RELN: variants seen among roughly 807,000 people sequenced by gnomAD.
RELN encodes the protein reelin.
RELN carries 108 observed loss-of-function variants against 427.6 expected under a neutral mutation model. The observed-to-expected ratio is 0.25, with a 90% CI of 0.22 to 0.30. The LOEUF (loss-of-function observed/expected upper bound fraction) is 0.30, where lower values mean the gene tolerates loss of function less well. Ranked by LOEUF, RELN falls within the 10% of genes least tolerant of loss-of-function variation. RELN has a pLI of 1.00. For synonymous variants in RELN, 1,524 were observed against 1,513.4 expected (o/e 1.01, Z -0.16); for missense variants, 3,715 against 4,302.8 (o/e 0.86, Z 3.82).
chr7:103,652,067 A>G (rs1832928577), intron 14 of RELN, among the ~76,000 whole-genome samples: 1 of 152,018 alleles, frequency 6.6e-6, no homozygotes, highest in Non-Finnish European at 1.5e-5. Flanking sequence ...TGGCAAGGCA[A>G]TTACCATGTC....
rs377717317 is a variant in RELN at position 103,877,710 on chromosome 7, G to T, written c.337+39365C>A. 9.2e-5 allele frequency among the ~76,000 whole-genome samples: 14 copies of T among 151,792 alleles called. 1 individual carries two copies. The highest frequency in any genetic ancestry group is 1.9e-4 in the Non-Finnish European group (13 of 67,932). ...AGTCTGACTCTAGTTTTTTTCTCAG[G>T]ACTCCATCTTCCATCTCTTCTCCAG... On this transcript the variant is annotated intron_variant, in intron 2 of 64. Coordinates refer to ENST00000428762, the MANE Select transcript of RELN (RefSeq NM_005045.4).
At chr7:103,892,754 T>C (rs1794877447) in intron 2 of RELN, among the ~76,000 whole-genome samples, 1 of 152,214 alleles carries the variant, frequency 6.6e-6, no homozygotes, top group South Asian at 2.1e-4. Context: ...TACACTTTTA[T>C]GGTACACTTT....
intron 29 of RELN, among the ~76,000 whole-genome samples, chr7:103,574,926 G>A (rs1260368797): frequency 6.6e-6 from 1 of 152,184 alleles, no homozygotes; most frequent in Admixed American, 6.5e-5. Context: ...ACTGTGCTCA[G>A]AGATACTTTT....
intron 2 of RELN, among the ~76,000 whole-genome samples, chr7:103,896,377 A>G (rs7811777): frequency 0.4 from 61,372 of 151,902 alleles, 13,515 homozygotes; most frequent in East Asian, 0.85. Flanking sequence ...CAGCAGCTGT[A>G]TGCATAATAA....
In RELN at chr7:103,663,625, T is replaced by G. The variant is rs1418383277; in HGVS notation, c.1290-2098A>C. On this transcript the variant is annotated intron_variant, in intron 11 of 64. Transcript: ENST00000428762. Reference sequence around the variant, plus strand: ...TCCACTCAAAGTCCCCTTGTACTTGTACTTAATGCCTACTGCTACTATTGC... The same window carrying G: ...TCCACTCAAAGTCCCCTTGTACTTGGACTTAATGCCTACTGCTACTATTGC... Among the ~76,000 whole-genome samples the G allele has an allele frequency of 2.0e-5, 3 of 152,198 alleles. No homozygotes were observed. The South Asian group carries it at 6.2e-4, about 32-fold the overall frequency.
intron 24 of RELN, among the ~76,000 whole-genome samples, chr7:103,597,117 G>A (rs559651252): frequency 4.6e-5 from 7 of 152,188 alleles, no homozygotes; most frequent in African/African-American, 2.4e-5. Context: ...TTCCTCAAAG[G>A]TACAATATGG....
chr7:103,636,780 T>C (rs1832593152), intron 17 of RELN, among the ~76,000 whole-genome samples: 1 of 152,242 alleles, frequency 6.6e-6, no homozygotes, highest in Admixed American at 6.5e-5. Flanking sequence ...AAGGTTTATG[T>C]ATAATTTTAT....
intron 1 of RELN, among the ~76,000 whole-genome samples, chr7:103,940,307 T>C (rs547884732): frequency 2.0e-5 from 3 of 152,316 alleles, no homozygotes; most frequent in Admixed American, 2.0e-4. Context: ...GATTCAGGAA[T>C]TAAATAAAAC....
At chr7:103,654,895 A>G (rs1400452271) in intron 12 of RELN, among the ~76,000 whole-genome samples, 2 of 152,028 alleles carry the variant, frequency 1.3e-5, no homozygotes, top group Non-Finnish European at 2.9e-5. Flanking sequence ...AGATCATGTA[A>G]CTAACTAGTG....
intron 14 of RELN, 146 bp from the exon 15 acceptor site, chr7:103,651,935 T>A (rs1832925336): frequency 1.2e-6 from 1 of 832,752 alleles, no homozygotes; most frequent in African/African-American, 1.7e-5. Flanking sequence ...AAATGATTGT[T>A]TTCTCTTTCA....
chr7:103,630,443 C>G (rs1832427506), intron 19 of RELN, among the ~76,000 whole-genome samples: 1 of 152,098 alleles, frequency 6.6e-6, no homozygotes, highest in Non-Finnish European at 1.5e-5. Flanking sequence ...TCATCATAGT[C>G]TAGTAAAGGA....
At chr7:103,929,041 G>A (rs907336260) in intron 1 of RELN, among the ~76,000 whole-genome samples, 1 of 152,186 alleles carries the variant, frequency 6.6e-6, no homozygotes, top group African/African-American at 2.4e-5. Context: ...AGCATATCTT[G>A]TTGTGGGAAA....
intron 11 of RELN, among the ~76,000 whole-genome samples, chr7:103,674,630 T>C (rs1833472650): frequency 6.6e-6 from 1 of 152,030 alleles, no homozygotes; most frequent in Non-Finnish European, 1.5e-5. Context: ...TGCTTAGAAG[T>C]GGGTGTACTG....
At position 103,593,789 on chromosome 7, in the gene RELN, A is replaced by G. The variant is rs794727441; in HGVS notation, c.3805T>C (p.Phe1269Leu). Residue 1269 changes from phenylalanine to leucine, a missense_variant, in exon 27 of 65, where the codon TTC becomes CTC. This residue lies in a region of RELN where 2,208 missense variants were observed against 2,361.7 expected (regional missense o/e 0.93). Transcript: ENST00000428762. ...ANEGMVKNET[F>L]CAATPSAMIF... ...ATTGCTGATGGTGTGGCAGCACAGA[A>G]GGTTTCATTTTTAACCATTCCTTCA... 6.2e-7 allele frequency: 1 copy of G among 1,613,692 alleles called. No homozygotes were observed. The highest frequency in any genetic ancestry group is 1.7e-5 in the Admixed American group (1 of 59,992).
intron 45 of RELN, among the ~76,000 whole-genome samples, chr7:103,536,440 G>T (rs967323513): frequency 2.6e-5 from 4 of 152,118 alleles, no homozygotes; most frequent in African/African-American, 9.7e-5. Flanking sequence ...GATACCTTTA[G>T]AAATGACTGA....
At chr7:103,764,834 C>CA (rs545236187) in intron 4 of RELN, among the ~76,000 whole-genome samples, 6,408 of 52,210 alleles carry the variant, frequency 0.12, 813 homozygotes, top group African/African-American at 0.3. Context: ...AGACTCCTCT[C>CA]AAAAAAAAAA....
chr7:103,584,133 C>G (rs896854376), intron 28 of RELN, among the ~76,000 whole-genome samples: 1 of 152,230 alleles, frequency 6.6e-6, no homozygotes, highest in African/African-American at 2.4e-5. Flanking sequence ...GCAAGGTCCC[C>G]CAGTTCTCTA....
At chr7:103,697,560 A>G (rs1383144874) in intron 10 of RELN, among the ~76,000 whole-genome samples, 1 of 152,114 alleles carries the variant, frequency 6.6e-6, no homozygotes, top group Non-Finnish European at 1.5e-5. Context: ...ACTGACATCC[A>G]CACAATGGGA....
chr7:103,724,843 C>T (rs945095248), intron 7 of RELN, among the ~76,000 whole-genome samples: 2 of 151,390 alleles, frequency 1.3e-5, no homozygotes, highest in Non-Finnish European at 2.9e-5. Flanking sequence ...CCTATGAAAT[C>T]TATTCTGAGA....
Sources: allele counts gnomAD v4.1 joint callset (sites outside exome capture counted in the v4.1 genomes callset), GRCh38; gene constraint gnomAD v4.1.1; regional missense constraint gnomAD v4.1.1; transcripts MANE v1.5; gene names NCBI Gene and HGNC (gene_info 2026-07-23, HGNC 2026-07-21).